Variants in ANKRD36 observed in about 807,000 individuals in gnomAD.
The protein encoded by ANKRD36 is ankyrin repeat domain 36.
A neutral mutation model predicts 278.1 loss-of-function variants in ANKRD36; 179 were observed. The observed-to-expected ratio is 0.64, with a 90% CI of 0.57 to 0.73. ANKRD36 has a LOEUF of 0.73. ANKRD36 is among the 30% of genes least tolerant of loss of function. The probability of loss-of-function intolerance (pLI) is 0.00; values close to 1 mark genes in which losing one functional copy is unlikely to be tolerated. For synonymous variants in ANKRD36, 320 were observed against 641.1 expected (o/e 0.50, Z 7.57); for missense variants, 1,159 against 1,956.7 (o/e 0.59, Z 7.69).
intron 22 of ANKRD36, among the ~76,000 whole-genome samples, chr2:97,170,800 A>G (rs1575267612): frequency 6.6e-6 from 1 of 151,922 alleles, no homozygotes; most frequent in East Asian, 1.9e-4. Context: ...CAACCTACTC[A>G]TCTGACAAAG....
intron 64 of ANKRD36, among the ~76,000 whole-genome samples, chr2:97,218,541 C>G (rs1251952451): frequency 4.6e-5 from 7 of 151,378 alleles, no homozygotes; most frequent in Non-Finnish European, 8.8e-5. Flanking sequence ...ATTCAGGACA[C>G]TTACACTGAA....
At chr2:97,220,756 A>AT (rs1229484526) in intron 66 of ANKRD36, among the ~76,000 whole-genome samples, 4 of 66,252 alleles carry the variant, frequency 6.0e-5, no homozygotes, top group Non-Finnish European at 5.1e-5. Context: ...TTAATTTTTA[A>AT]TTTTCTTTTT....
chr2:97,224,575 G>A (rs1247980179), intron 66 of ANKRD36, among the ~76,000 whole-genome samples: 5 of 151,816 alleles, frequency 3.3e-5, no homozygotes, highest in African/African-American at 9.7e-5. Context: ...CCAGCCTCCC[G>A]ACTAGCTGGG....
At chr2:97,215,544 G>T in intron 62 of ANKRD36, 47 bp downstream of exon 62, 2 of 1,596,134 alleles carry the variant, frequency 1.3e-6, no homozygotes, top group Non-Finnish European at 8.5e-7. Flanking sequence ...AAATAGAAGA[G>T]AAATTCACTT....
At chr2:97,122,722 G>T (rs1323143425) in intron 3 of ANKRD36, among the ~76,000 whole-genome samples, 165 bp from the exon 4 acceptor site, 4 of 151,472 alleles carry the variant, frequency 2.6e-5, no homozygotes, top group Non-Finnish European at 2.9e-5. Flanking sequence ...CCAGGGGAAG[G>T]AGCAGAACAT....
intron 17 of ANKRD36, among the ~76,000 whole-genome samples, chr2:97,160,381 C>G (rs916375454): frequency 6.6e-6 from 1 of 152,034 alleles, no homozygotes. Context: ...AAAATTATCT[C>G]CTACAGTTGG....
chr2:97,199,848 C>A (rs1285722973), intron 44 of ANKRD36, among the ~76,000 whole-genome samples: 1 of 151,870 alleles, frequency 6.6e-6, no homozygotes, highest in African/African-American at 2.4e-5. Flanking sequence ...GTGAAGTGTA[C>A]GTTCAACTGG....
At chr2:97,198,173 T>C (rs574696918) in intron 42 of ANKRD36, among the ~76,000 whole-genome samples, 1 of 152,058 alleles carries the variant, frequency 6.6e-6, no homozygotes, top group Non-Finnish European at 1.5e-5. Context: ...GATCACTTTG[T>C]CCTCATCACT....
At chr2:97,230,466 C>T (rs1309443234) in intron 67 of ANKRD36, among the ~76,000 whole-genome samples, 2 of 152,084 alleles carry the variant, frequency 1.3e-5, no homozygotes, top group African/African-American at 4.8e-5. Flanking sequence ...ACGTAGTTCT[C>T]GAGCCTCGGC....
intron 22 of ANKRD36, among the ~76,000 whole-genome samples, chr2:97,169,524 A>G (rs556281294): frequency 1.4e-4 from 21 of 152,418 alleles, no homozygotes; most frequent in African/African-American, 3.4e-4. Flanking sequence ...ATGATTGTAT[A>G]TTTAGGAAAC....
intron 43 of ANKRD36, 34 bp downstream of exon 43, chr2:97,198,525 A>C: frequency 6.4e-7 from 1 of 1,569,856 alleles, no homozygotes. Context: ...GTGACCTAGT[A>C]AATGCATAGT....
At chr2:97,144,096 A>G (rs2043609487) in intron 8 of ANKRD36, among the ~76,000 whole-genome samples, 1 of 152,154 alleles carries the variant, frequency 6.6e-6, no homozygotes, top group African/African-American at 2.4e-5. Context: ...AGAGCATGAT[A>G]AATATTTGTA....
chr2:97,202,168 G>T (rs554772325), intron 46 of ANKRD36, 34 bp from the exon 47 acceptor site: 3 of 1,607,470 alleles, frequency 1.9e-6, no homozygotes, highest in East Asian at 2.2e-5. Flanking sequence ...TCATATTTAC[G>T]TATGACTGAT....
At chr2:97,206,159 G>A (rs1015903654) in intron 52 of ANKRD36, 24 bp downstream of exon 52, 21 of 1,517,736 alleles carry the variant, frequency 1.4e-5, no homozygotes, top group Middle Eastern at 4.6e-4. Context: ...CAGATTTAAT[G>A]CCATGTTCAG....
chr2:97,202,233 A>C lies in ANKRD36; in HGVS notation c.2886+3A>C, dbSNP rs768553749. 2.4e-5 allele frequency: 38 copies of C among 1,609,348 alleles called. No homozygotes were observed. In the Middle Eastern group the frequency reaches 8.3e-4, roughly 35 times the overall value. On this transcript the variant is annotated splice_donor_region_variant and intron_variant, in intron 47 of 75. Transcript: ENST00000420699. The stretch of plus-strand genomic sequence containing the variant: ...CTCAGAAACCACCAGCCTTGAAGGT[A>C]ATGAAACTCCCATTTATCTTGTGAA...
rs368586575 is a variant in ANKRD36 at position 97,209,424 on chromosome 2, G to C, written c.3266-257G>C. Among the ~76,000 whole-genome samples, 45 of 146,564 alleles carry C rather than the reference G, an allele frequency of 3.1e-4. No homozygotes were observed. The East Asian group carries it at 7.1e-3, about 23-fold the overall frequency. ...CACTCGGCATATCCACATTGAGATT[G>C]ACACGGTTTTATTTTAGTTTTTGAC... On this transcript the variant is annotated intron_variant, in intron 54 of 75. Transcript: ENST00000420699.
At chr2:97,127,626 G>A (rs1052001935) in intron 6 of ANKRD36, among the ~76,000 whole-genome samples, 6 of 151,838 alleles carry the variant, frequency 4.0e-5, no homozygotes, top group African/African-American at 1.2e-4. Flanking sequence ...TGTATTCTGA[G>A]TACAAGAAAG....
At chr2:97,154,322 A>G (rs1323296471) in intron 14 of ANKRD36, among the ~76,000 whole-genome samples, 1 of 149,424 alleles carries the variant, frequency 6.7e-6, no homozygotes, top group Non-Finnish European at 1.5e-5. Flanking sequence ...TCAGATATCA[A>G]TTGGATTTTC....
At chr2:97,244,209 T>G (rs1006341494) in intron 70 of ANKRD36, among the ~76,000 whole-genome samples, 180 bp downstream of exon 70, 1 of 148,216 alleles carries the variant, frequency 6.7e-6, no homozygotes, top group Non-Finnish European at 1.5e-5. Context: ...ATATTTTATT[T>G]TAGTTCAAAG....
Sources: allele counts gnomAD v4.1 joint callset (sites outside exome capture counted in the v4.1 genomes callset), GRCh38; gene constraint gnomAD v4.1.1; transcripts MANE v1.5; gene names NCBI Gene and HGNC (gene_info 2026-07-23, HGNC 2026-07-21).